Variants in SPAG16 observed in about 807,000 individuals in gnomAD.
SPAG16 encodes sperm associated antigen 16, also known as sperm-associated antigen 16 protein.
Under a neutral mutation model 80.4 loss-of-function variants are expected in SPAG16, and 86 were observed. That is an observed-to-expected ratio of 1.07 (90% CI 0.90 to 1.28). SPAG16 has a LOEUF of 1.28. Ranked by LOEUF, SPAG16 falls within the 50% of genes most tolerant of loss-of-function variation. SPAG16 has a pLI of 0.00. For missense variants in SPAG16, 870 were observed against 765.3 expected, an observed-to-expected ratio of 1.14 and a Z score of -1.61; for synonymous variants, 294 against 265.9, an observed-to-expected ratio of 1.11 and a Z score of -1.03.
intron 6 of SPAG16, among the ~76,000 whole-genome samples, chr2:213,345,046 T>C (rs1419190519): frequency 6.8e-6 from 1 of 146,928 alleles, no homozygotes; most frequent in Non-Finnish European, 1.5e-5. Context: ...GCACCTGTTG[T>C]TTCCTGACTT....
intron 15 of SPAG16, among the ~76,000 whole-genome samples, chr2:214,351,768 G>T (rs1446024454): frequency 1.3e-5 from 1 of 78,516 alleles, no homozygotes; most frequent in African/African-American, 2.8e-5. Flanking sequence ...TGGGAAAATT[G>T]TATCAATTTT....
At chr2:214,163,438 C>T (rs1327608318) in intron 15 of SPAG16, among the ~76,000 whole-genome samples, 3 of 151,516 alleles carry the variant, frequency 2.0e-5, no homozygotes, top group Non-Finnish European at 2.9e-5. Context: ...TTTCCTACAT[C>T]AGTATGCTTG....
At chr2:213,461,908 G>GTGTGTATGTGTA (rs561110474) in intron 9 of SPAG16, among the ~76,000 whole-genome samples, 2 of 152,168 alleles carry the variant, frequency 1.3e-5, no homozygotes, top group Non-Finnish European at 2.9e-5. Flanking sequence ...GTGTATGTGT[G>GTGTGTATGTGTA]TGTGTATGTG....
intron 11 of SPAG16, among the ~76,000 whole-genome samples, chr2:213,909,280 A>G (rs1362064250): frequency 6.6e-6 from 1 of 152,088 alleles, no homozygotes; most frequent in Non-Finnish European, 1.5e-5. Context: ...AAGAATCAAT[A>G]TCGTGAAAAT....
intron 15 of SPAG16, among the ~76,000 whole-genome samples, chr2:214,358,897 T>G (rs988530456): frequency 2.0e-5 from 3 of 151,966 alleles, no homozygotes; most frequent in African/African-American, 4.8e-5. Context: ...TTTTGCCTAC[T>G]GCATTTAGAA....
intron 15 of SPAG16, among the ~76,000 whole-genome samples, chr2:214,213,465 G>C (rs534809892): frequency 3.8e-4 from 58 of 152,314 alleles, no homozygotes; most frequent in African/African-American, 1.4e-3. Flanking sequence ...TCAGAGACCA[G>C]CTGCTAGAAT....
intron 11 of SPAG16, among the ~76,000 whole-genome samples, chr2:213,914,083 C>T (rs367609734): frequency 7.9e-5 from 12 of 152,132 alleles, no homozygotes; most frequent in East Asian, 3.9e-4. Context: ...GTAAAACTGA[C>T]GCATAAAATT....
At chr2:213,787,469 T>C (rs1435920626) in intron 10 of SPAG16, among the ~76,000 whole-genome samples, 1 of 152,092 alleles carries the variant, frequency 6.6e-6, no homozygotes, top group Admixed American at 6.6e-5. Context: ...GAATGAAATA[T>C]AATATAGCTA....
At chr2:214,013,302 AT>A (rs2047411749) in intron 12 of SPAG16, among the ~76,000 whole-genome samples, 1 of 151,544 alleles carries the variant, frequency 6.6e-6, no homozygotes, top group African/African-American at 2.4e-5. Context: ...TAGTGACTGT[AT>A]CCATCACTTC....
chr2:213,928,251 A>ATTTTTT (rs566334387), intron 11 of SPAG16, among the ~76,000 whole-genome samples: 1 of 144,106 alleles, frequency 6.9e-6, no homozygotes. Flanking sequence ...TGCCTGGCTA[A>ATTTTTT]TTTTTTTTTT....
chr2:213,881,249 A>C (rs1282050410), intron 11 of SPAG16, among the ~76,000 whole-genome samples: 1 of 152,062 alleles, frequency 6.6e-6, no homozygotes, highest in East Asian at 1.9e-4. Context: ...TGTGTTCCTG[A>C]TTTGACTCTC....
At chr2:213,376,441 G>A (rs1424530945) in intron 9 of SPAG16, among the ~76,000 whole-genome samples, 4 of 152,096 alleles carry the variant, frequency 2.6e-5, no homozygotes, top group Non-Finnish European at 2.9e-5. Context: ...GATATTTAAC[G>A]TAATACCTAC....
chr2:213,862,846 C>CTTA (rs1228417189), intron 11 of SPAG16, among the ~76,000 whole-genome samples: 1 of 152,130 alleles, frequency 6.6e-6, no homozygotes, highest in East Asian at 1.9e-4. Context: ...AGTCCACATG[C>CTTA]TTATGCATTT....
chr2:213,355,557 T>C (rs934633920), intron 7 of SPAG16, among the ~76,000 whole-genome samples: 11 of 152,200 alleles, frequency 7.2e-5, no homozygotes, highest in Non-Finnish European at 1.5e-4. Flanking sequence ...TGGTTTTTAG[T>C]TCTCCTTGAA....
At chr2:213,302,773 G>T (rs1428807322) in intron 3 of SPAG16, among the ~76,000 whole-genome samples, 1 of 152,054 alleles carries the variant, frequency 6.6e-6, no homozygotes, top group African/African-American at 2.4e-5. Flanking sequence ...TTTCTTTTCT[G>T]TGGGAATGCT....
At chr2:213,839,722 T>C (rs776812123) in intron 10 of SPAG16, among the ~76,000 whole-genome samples, 8 of 152,224 alleles carry the variant, frequency 5.3e-5, no homozygotes, top group Non-Finnish European at 1.0e-4. Context: ...ATGTACAGTA[T>C]GCAGCATGCA....
At chr2:213,745,350 C>T (rs2125467951) in intron 10 of SPAG16, among the ~76,000 whole-genome samples, 1 of 152,256 alleles carries the variant, frequency 6.6e-6, no homozygotes, top group South Asian at 2.1e-4. Context: ...TCAAGCAATT[C>T]TCCTGCCTCA....
intron 7 of SPAG16, among the ~76,000 whole-genome samples, chr2:213,361,932 G>A (rs574684418): frequency 6.6e-6 from 1 of 152,242 alleles, no homozygotes; most frequent in African/African-American, 2.4e-5. Context: ...GCAAGTAAGG[G>A]AGACTGGCTT....
intron 10 of SPAG16, among the ~76,000 whole-genome samples, chr2:213,535,299 A>C (rs868355017): frequency 6.6e-6 from 1 of 152,138 alleles, no homozygotes; most frequent in Non-Finnish European, 1.5e-5. Flanking sequence ...TAGAATTAGC[A>C]TACAAGTATA....
Sources: gnomAD v4.1 joint callset for allele counts (sites outside exome capture counted in the v4.1 genomes callset) on GRCh38, gnomAD v4.1.1 for gene constraint, MANE v1.5 for transcripts, NCBI Gene and HGNC (gene_info 2026-07-23, HGNC 2026-07-21) for gene names.